Variants in ZFAT observed in about 807,000 individuals in gnomAD.
ZFAT encodes the protein zinc finger protein ZFAT.
In ZFAT, 64 loss-of-function variants were observed where a neutral mutation model predicts 117.7. That is an observed-to-expected ratio of 0.54 (90% CI 0.44 to 0.67). The LOEUF (loss-of-function observed/expected upper bound fraction) is 0.67, where lower values mean the gene tolerates loss of function less well. Ranked by LOEUF, ZFAT falls within the 30% of genes least tolerant of loss-of-function variation. The pLI is 0.00. For missense variants in ZFAT, 1,433 were observed against 1,584.5 expected, an observed-to-expected ratio of 0.90 and a Z score of 1.62; for synonymous variants, 679 against 615.0, an observed-to-expected ratio of 1.10 and a Z score of -1.54.
intron 3 of ZFAT, among the ~76,000 whole-genome samples, chr8:134,627,317 T>C (rs1829586246): frequency 6.6e-6 from 1 of 152,188 alleles, no homozygotes; most frequent in Non-Finnish European, 1.5e-5. Flanking sequence ...GGAAGAAATG[T>C]TGGCAGGACT....
intron 1 of ZFAT, among the ~76,000 whole-genome samples, chr8:134,663,521 G>A (rs571323807): frequency 2.0e-5 from 3 of 152,172 alleles, no homozygotes; most frequent in South Asian, 2.1e-4. Flanking sequence ...GGTGGATCAC[G>A]AGGTCAGGAG....
chr8:134,537,125 G>GT (rs1299021836), intron 11 of ZFAT, among the ~76,000 whole-genome samples: 11 of 152,216 alleles, frequency 7.2e-5, no homozygotes, highest in African/African-American at 2.7e-4. Context: ...AGCTCTAAAT[G>GT]TTTTGCATGG....
chr8:134,606,367 AATGTTT>A (rs1796853533), intron 5 of ZFAT, among the ~76,000 whole-genome samples: 1 of 152,250 alleles, frequency 6.6e-6, no homozygotes, highest in Non-Finnish European at 1.5e-5. Flanking sequence ...TATAAAGCAA[AATGTTT>A]GTGATTCATT....
At chr8:134,680,134 T>C (rs1258352798) in intron 1 of ZFAT, among the ~76,000 whole-genome samples, 1 of 151,592 alleles carries the variant, frequency 6.6e-6, no homozygotes, top group Non-Finnish European at 1.5e-5. Flanking sequence ...AGGTGTTGCA[T>C]GCCTACAGTC....
rs954314481 is a variant in ZFAT at position 134,668,972 on chromosome 8, C to G, written c.20-11235G>C. ...TGACAAATGCACAAGTTTCAGTAGC[C>G]GATTCGATCAACTGGAAGAAAGAGT... On this transcript the variant is annotated intron_variant, in intron 1 of 15. Transcript: ENST00000377838. Among the ~76,000 whole-genome samples the G allele has an allele frequency of 2.6e-5, 4 of 151,912 alleles. No individual in the cohort carries two copies. The South Asian group carries it at 8.3e-4, about 32-fold the overall frequency.
At chr8:134,727,741 G>A in the ZFAT span, among the ~76,000 whole-genome samples, 3 of 152,104 alleles carry the variant, frequency 2.0e-5, no homozygotes, top group Admixed American at 1.3e-4. Flanking sequence ...TTTGCAGGTC[G>A]CAGGGTGTCT....
chr8:134,593,963 A>C (rs1826721875), intron 7 of ZFAT, among the ~76,000 whole-genome samples: 2 of 152,256 alleles, frequency 1.3e-5, no homozygotes, highest in African/African-American at 4.8e-5. Context: ...CAGAAAGTGC[A>C]GCAAAGCACA....
At chr8:134,790,866 C>T in the ZFAT span, among the ~76,000 whole-genome samples, 1 of 151,966 alleles carries the variant, frequency 6.6e-6, no homozygotes, top group East Asian at 1.9e-4. Context: ...ATTTTAAAAA[C>T]TAGCCAGGCA....
chr8:134,827,866 G>A, the ZFAT span, among the ~76,000 whole-genome samples: 1 of 151,882 alleles, frequency 6.6e-6, no homozygotes, highest in East Asian at 1.9e-4. Context: ...AAAGAACATT[G>A]GGAATAGAAA....
Position 134,485,495 on chromosome 8 carries a change from A to G in ZFAT, c.3493-6774T>C, listed in dbSNP as rs142269382. Among the ~76,000 whole-genome samples, 5 of 152,360 alleles carry G rather than the reference A, an allele frequency of 3.3e-5. No homozygotes were observed. The East Asian group carries it at 5.8e-4, about 18-fold the overall frequency. Reference sequence around the variant, plus strand: ...AAAATGCCCGGAGGCTGGCTGAAGCAGGAAAGACAACCCCTCCTCATCTGA... The same window carrying G: ...AAAATGCCCGGAGGCTGGCTGAAGCGGGAAAGACAACCCCTCCTCATCTGA... On this transcript the variant is annotated intron_variant, in intron 15 of 15. Transcript: ENST00000377838.
intron 5 of ZFAT, among the ~76,000 whole-genome samples, chr8:134,604,356 G>C (rs953332136): frequency 6.6e-6 from 1 of 152,184 alleles, no homozygotes; most frequent in Non-Finnish European, 1.5e-5. Flanking sequence ...TGAAATCACT[G>C]ACACGCAGCG....
At chr8:134,828,338 G>A in the ZFAT span, among the ~76,000 whole-genome samples, 1 of 152,120 alleles carries the variant, frequency 6.6e-6, no homozygotes, top group Non-Finnish European at 1.5e-5. Flanking sequence ...CCGAAGTTGG[G>A]CTTTTGACCC....
chr8:134,704,428 C>T (rs893287004), intron 1 of ZFAT, among the ~76,000 whole-genome samples: 1 of 152,126 alleles, frequency 6.6e-6, no homozygotes, highest in Admixed American at 6.5e-5. Flanking sequence ...GCCTGCAGGT[C>T]CCTAAGGTAA....
intron 15 of ZFAT, among the ~76,000 whole-genome samples, chr8:134,490,211 A>G (rs1817951745): frequency 6.6e-6 from 1 of 152,242 alleles, no homozygotes; most frequent in Admixed American, 6.5e-5. Flanking sequence ...ATCTGAGAGT[A>G]GAACATGTTA....
the ZFAT span, chr8:134,796,483 T>C: frequency 6.6e-6 from 1 of 152,182 alleles, no homozygotes; most frequent in Non-Finnish European, 1.5e-5. Flanking sequence ...AGAGAAGTGT[T>C]GAGTGGAATG....
chr8:134,786,905 G>A, the ZFAT span, among the ~76,000 whole-genome samples: 2 of 147,136 alleles, frequency 1.4e-5, no homozygotes, highest in African/African-American at 5.1e-5. Context: ...CTGGAGTGTA[G>A]TGACACAATT....
Position 134,478,810 on chromosome 8 carries a change from C to A in ZFAT, c.3493-89G>T, listed in dbSNP as rs981682156. On this transcript the variant is annotated intron_variant, in intron 15 of 15. Transcript: ENST00000377838. The surrounding 1 kb of genome is among the most constrained non-coding windows in gnomAD (Gnocchi z 5.2). ...AGTCACAACTACAGTTTAGGAGGCA[C>A]CAGTGCGCTGCGGGAGCACGTCCAT... 6 of 1,487,400 alleles carry A rather than the reference C, an allele frequency of 4.0e-6. No individual in the cohort carries two copies. In the South Asian group the frequency reaches 5.2e-5, roughly 13 times the overall value. 92.1% of individuals were successfully genotyped at this position (1,487,400 alleles called of 1,614,324 possible).
intron 3 of ZFAT, among the ~76,000 whole-genome samples, chr8:134,613,220 C>G (rs2130983860): frequency 6.6e-6 from 1 of 152,236 alleles, no homozygotes; most frequent in South Asian, 2.1e-4. Context: ...AAAAAAAGAC[C>G]TGAGAATTAG....
chr8:134,554,734 C>A (rs1823436387), intron 11 of ZFAT, among the ~76,000 whole-genome samples: 1 of 152,226 alleles, frequency 6.6e-6, no homozygotes, highest in Non-Finnish European at 1.5e-5. Context: ...ACGCTGGCAG[C>A]TGACCTGCAA....
Sources: allele counts gnomAD v4.1 joint callset (sites outside exome capture counted in the v4.1 genomes callset), GRCh38; gene constraint gnomAD v4.1.1; non-coding constraint Gnocchi (gnomAD v3.1); transcripts MANE v1.5; gene names NCBI Gene and HGNC (gene_info 2026-07-23, HGNC 2026-07-21).